The following PSD2 variants were observed in gnomAD, a reference collection of about 807,000 sequenced individuals.
PSD2 encodes the protein pleckstrin and Sec7 domain containing 2, also known as PH and SEC7 domain-containing protein 2.
A neutral mutation model predicts 69.8 loss-of-function variants in PSD2; 38 were observed. The observed-to-expected ratio is 0.54, with a 90% CI of 0.42 to 0.71. The LOEUF (loss-of-function observed/expected upper bound fraction) is 0.71. PSD2 is among the 30% of genes least tolerant of loss of function. The pLI is 0.00. For missense variants in PSD2, 943 were observed against 1,014.5 expected, an observed-to-expected ratio of 0.93 and a Z score of 0.96; for synonymous variants, 412 against 423.0, an observed-to-expected ratio of 0.97 and a Z score of 0.32.
intron 5 of PSD2, 150 bp downstream of exon 5, chr5:139,817,711 A>T (rs1581723281): frequency 1.5e-6 from 1 of 662,760 alleles, no homozygotes; most frequent in African/African-American, 1.8e-5. Context: ...CAGGAGCAGC[A>T]GCGGCCCAAC....
At chr5:139,770,592 A>G in the PSD2 span, among the ~76,000 whole-genome samples, 6 of 152,128 alleles carry the variant, frequency 3.9e-5, no homozygotes, top group African/African-American at 1.4e-4. Flanking sequence ...AAACAAAAAA[A>G]CATGAATGGC....
rs373220243 is a variant in PSD2, at chr5:139,839,848, AG to A, written c.1969-176del. Among the ~76,000 whole-genome samples, 1 of 152,228 alleles carries A rather than the reference AG, an allele frequency of 6.6e-6. No homozygotes were observed. The highest frequency in any genetic ancestry group is 1.5e-5 in the Non-Finnish European group (1 of 67,990). On this transcript the variant is annotated intron_variant, in intron 13 of 14. Coordinates refer to ENST00000274710, the MANE Select transcript of PSD2 (RefSeq NM_032289.4). The surrounding 1 kb of genome is among the most constrained non-coding windows in gnomAD (Gnocchi z 5.1). Reference sequence around the variant, plus strand: ...GCTGATGGGACCTGGGGGAGGAGGAAGGGAGGTGGGAGGAAGAGCATGCCCT... The same window carrying A: ...GCTGATGGGACCTGGGGGAGGAGGAAGGAGGTGGGAGGAAGAGCATGCCCT...
intron 7 of PSD2, among the ~76,000 whole-genome samples, chr5:139,824,243 A>T (rs1389337748): frequency 2.0e-5 from 3 of 152,162 alleles, no homozygotes; most frequent in Non-Finnish European, 4.4e-5. Flanking sequence ...CTGGGCCAAG[A>T]GCACCCCGCA....
At chr5:139,770,102 A>G in the PSD2 span, among the ~76,000 whole-genome samples, 2 of 151,994 alleles carry the variant, frequency 1.3e-5, no homozygotes, top group African/African-American at 2.4e-5. Flanking sequence ...GATTCTGATG[A>G]CCCCACCACA....
At chr5:139,825,769 C>T (rs1760400973) in intron 7 of PSD2, among the ~76,000 whole-genome samples, 2 of 151,984 alleles carry the variant, frequency 1.3e-5, no homozygotes, top group Non-Finnish European at 1.5e-5. Flanking sequence ...GCGGGGAGGC[C>T]AAGGAGGCAG....
chr5:139,782,922 A>C, the PSD2 span, among the ~76,000 whole-genome samples: 3 of 152,226 alleles, frequency 2.0e-5, no homozygotes, highest in Admixed American at 6.5e-5. Flanking sequence ...AATGTCATAT[A>C]ATCATCACTA....
the PSD2 span, among the ~76,000 whole-genome samples, chr5:139,745,454 G>A: frequency 6.6e-6 from 1 of 152,224 alleles, no homozygotes; most frequent in Non-Finnish European, 1.5e-5. Context: ...CTGGGGAGGA[G>A]TGTGGGCCAG....
the PSD2 span, among the ~76,000 whole-genome samples, chr5:139,763,570 G>A: frequency 1.3e-5 from 2 of 152,156 alleles, no homozygotes; most frequent in African/African-American, 4.8e-5. Flanking sequence ...AGCTTCACCT[G>A]CCCTGGGCCA....
At position 139,813,537 on chromosome 5, in the gene PSD2, T is replaced by C. The variant is rs146248257; in HGVS notation, c.600T>C (p.Ile200=). 225 of 1,610,108 alleles carry C rather than the reference T, an allele frequency of 1.4e-4. No homozygotes were observed. Among genetic ancestry groups the C allele is most frequent in the Non-Finnish European group, 1.9e-4 (220 of 1,176,932 alleles). ...DSPEPGAGLG[I]GDMAFEGDMG... is the part of the protein sequence containing the mutation. The stretch of plus-strand genomic sequence containing the variant: ...CTGAGCCAGGGGCTGGGTTGGGCAT[T>C]GGGGACATGGCGTTTGAGGGGGACA... The change falls in exon 3 of 15, where the codon ATT becomes ATC. Residue 200 remains isoleucine (I), a synonymous_variant. Transcript: ENST00000274710.
At chr5:139,810,775 C>A (rs1335432425) in intron 2 of PSD2, among the ~76,000 whole-genome samples, 1 of 152,208 alleles carries the variant, frequency 6.6e-6, no homozygotes, top group East Asian at 1.9e-4. Context: ...GGGCCTAGGG[C>A]AGCCCCATAG....
chr5:139,780,905 T>C, the PSD2 span, among the ~76,000 whole-genome samples: 1 of 152,214 alleles, frequency 6.6e-6, no homozygotes, highest in Non-Finnish European at 1.5e-5. Context: ...ATCCCCATTT[T>C]AGAGATGAGG....
At chr5:139,830,823 C>CTTT (rs60786662) in intron 7 of PSD2, among the ~76,000 whole-genome samples, 322 of 82,906 alleles carry the variant, frequency 3.9e-3, no homozygotes, top group African/African-American at 7.6e-3. Context: ...CCTGGACTTG[C>CTTT]TTTTTTTTTT....
At chr5:139,804,881 CTGTGTGCATGTG>C (rs1329971333) in intron 1 of PSD2, among the ~76,000 whole-genome samples, 1 of 150,316 alleles carries the variant, frequency 6.7e-6, no homozygotes, top group Admixed American at 6.6e-5. Flanking sequence ...GTGTGTGTGT[CTGTGTGCATGTG>C]TGTGTGCGTG....
chr5:139,805,010 T>A (rs1249966907), intron 1 of PSD2, among the ~76,000 whole-genome samples: 1 of 151,180 alleles, frequency 6.6e-6, no homozygotes, highest in Non-Finnish European at 1.5e-5. Flanking sequence ...TGTGTGTGTG[T>A]GAGTGTGTGC....
intron 5 of PSD2, 141 bp from the exon 6 acceptor site, chr5:139,821,752 C>T (rs1760264768): frequency 5.8e-6 from 3 of 516,506 alleles, no homozygotes; most frequent in Non-Finnish European, 1.0e-5. Context: ...GCCTCCTGGG[C>T]GTGGAGAGAG....
chr5:139,822,590 C>A, intron 6 of PSD2, 136 bp from the exon 7 acceptor site: 1 of 656,442 alleles, frequency 1.5e-6, no homozygotes, highest in Non-Finnish European at 2.5e-6. Flanking sequence ...GTCACACAGG[C>A]CCTGTCCCCT....
the PSD2 span, among the ~76,000 whole-genome samples, chr5:139,775,067 C>T: frequency 6.6e-6 from 1 of 152,204 alleles, no homozygotes; most frequent in Non-Finnish European, 1.5e-5. Flanking sequence ...CTTCTGGCGC[C>T]CACCACCAGT....
the PSD2 span, among the ~76,000 whole-genome samples, chr5:139,767,019 G>A: frequency 6.3e-4 from 85 of 135,088 alleles, no homozygotes; most frequent in African/African-American, 2.4e-3. Flanking sequence ...CTTTCTCAGA[G>A]TCTCGCTCTG....
At chr5:139,750,121 A>G in the PSD2 span, among the ~76,000 whole-genome samples, 1 of 152,052 alleles carries the variant, frequency 6.6e-6, no homozygotes, top group Admixed American at 6.5e-5. Context: ...GTCAGGAAAT[A>G]GAGACCATCC....
Sources: gnomAD v4.1 joint callset for allele counts (sites outside exome capture counted in the v4.1 genomes callset) on GRCh38, gnomAD v4.1.1 for gene constraint, Gnocchi (gnomAD v3.1) non-coding constraint, MANE v1.5 for transcripts, NCBI Gene and HGNC (gene_info 2026-07-23, HGNC 2026-07-21) for gene names.